The following USP47 variants were observed in gnomAD, a reference collection of about 807,000 sequenced individuals.
USP47 encodes ubiquitin carboxyl-terminal hydrolase 47.
In USP47, 35 loss-of-function variants were observed where a neutral mutation model predicts 165.1. The observed-to-expected ratio is 0.21, with a 90% CI of 0.16 to 0.28. The LOEUF (loss-of-function observed/expected upper bound fraction) is 0.28. Among genes scored for constraint, USP47 ranks in the 10% least tolerant of loss-of-function variants. The pLI, the probability that USP47 is intolerant of heterozygous loss-of-function variation, is 1.00. For synonymous variants in USP47, 531 were observed against 544.5 expected (o/e 0.98, Z 0.35); for missense variants, 1,277 against 1,607.4 (o/e 0.79, Z 3.52).
intron 12 of USP47, among the ~76,000 whole-genome samples, 184 bp downstream of exon 12, chr11:11,929,749 T>C (rs887796029): frequency 6.6e-6 from 1 of 152,200 alleles, no homozygotes; most frequent in Admixed American, 6.5e-5. Context: ...TTCTTTGTTT[T>C]GCTTTGTTTT....
chr11:11,941,328 G>A (rs747517867), intron 19 of USP47, among the ~76,000 whole-genome samples: 15 of 53,720 alleles, frequency 2.8e-4, no homozygotes, highest in Non-Finnish European at 4.8e-4. Context: ...AGGGTAAGAA[G>A]TGCAGTAGGG....
At chr11:11,919,123 C>G (rs908641564) in intron 8 of USP47, among the ~76,000 whole-genome samples, 3 of 151,620 alleles carry the variant, frequency 2.0e-5, no homozygotes, top group Non-Finnish European at 4.4e-5. Flanking sequence ...ATATCTATGT[C>G]TTTTCTTATT....
At position 11,942,803 on chromosome 11, in the gene USP47, G is replaced by C; in HGVS notation, c.2782G>C (p.Val928Leu). 1 of 1,613,700 alleles carries C rather than the reference G, an allele frequency of 6.2e-7. No homozygotes were observed. The highest frequency in any genetic ancestry group is 8.5e-7 in the Non-Finnish European group (1 of 1,179,762). The change falls in exon 20 of 28, where the codon GTG (valine) becomes CTG (leucine). Residue 928 changes from valine to leucine, a missense_variant. Physicochemically the swap from Val to Leu is conservative, Grantham distance 32. This residue lies in a region of USP47 where 909 missense variants were observed against 1,068.1 expected (regional missense o/e 0.85). Coordinates refer to ENST00000527733, the MANE Select transcript of USP47 (RefSeq NM_001282659.2). ...GTCTGAAGAACGATCAGACTCAGAT[G>C]TGAATAATGACAGGAGTACAAGTTC... ...FQSEERSDSD[V>L]NNDRSTSSVD...
In USP47 at chr11:11,903,209, G is replaced by A. The variant is rs934854740; in HGVS notation, c.740-54G>A. 57 of 1,523,792 alleles carry A rather than the reference G, an allele frequency of 3.7e-5. No individual in the cohort carries two copies. The Admixed American group carries it at 1.0e-3, about 28-fold the overall frequency. The allele number at this position is 1,523,792 out of a possible 1,614,324, so 94.4% of individuals were successfully genotyped here. ...TCTATTTGCTTTTAAACAACAGATT[G>A]TTTCATTACATAAAGTTTATAGCTA... is the stretch of plus-strand genomic sequence containing the variant. On this transcript the variant is annotated intron_variant, in intron 6 of 27. Transcript: ENST00000527733.
intron 4 of USP47, among the ~76,000 whole-genome samples, chr11:11,894,898 T>A (rs1490595228): frequency 6.7e-6 from 1 of 149,872 alleles, no homozygotes; most frequent in Non-Finnish European, 1.5e-5. Context: ...TTTGCATATT[T>A]TTATCTTATC....
Position 11,942,981 on chromosome 11 carries a change from A to T in USP47, c.2960A>T (p.Asp987Val), listed in dbSNP as rs1329410617. ...KANEGKKETWDTAEEDSGTDS... is the reference protein window; with the variant it reads ...KANEGKKETWVTAEEDSGTDS... ...AATGAAGGGAAAAAAGAAACATGGG[A>T]TACAGCAGAAGAAGACTCTGGAACT... Residue 987 changes from aspartate to valine, a missense_variant, in exon 20 of 28, where the codon GAT becomes GTT. Around this residue, in one of 4 missense-constraint regions of USP47, gnomAD observed 909 missense variants for 1,068.1 expected, o/e 0.85. Coordinates refer to ENST00000527733, the MANE Select transcript of USP47 (RefSeq NM_001282659.2). 6.2e-7 allele frequency: 1 copy of T among 1,613,630 alleles called. No individual in the cohort carries two copies. The highest frequency in any genetic ancestry group is 8.5e-7 in the Non-Finnish European group (1 of 1,179,704).
rs1486861419 is a variant in USP47 at position 11,960,566 on chromosome 11, C to T, written c.*4391C>T. 2.0e-5 allele frequency among the ~76,000 whole-genome samples: 3 copies of T among 152,172 alleles called. No individual in the cohort carries two copies. Among genetic ancestry groups the T allele is most frequent in the East Asian group, 3.9e-4 (2 of 5,192 alleles). On this transcript the variant is annotated 3_prime_UTR_variant, in exon 28 of 28. Coordinates refer to ENST00000527733, the MANE Select transcript of USP47 (RefSeq NM_001282659.2). ...AAAAAGTTCCCCTCAGAAGTTTCAG[C>T]CAAGGGAATAAAATCTAACCTCTCC... is the stretch of plus-strand genomic sequence containing the variant.
At chr11:11,868,527 T>C (rs1401119871) in intron 1 of USP47, among the ~76,000 whole-genome samples, 1 of 152,224 alleles carries the variant, frequency 6.6e-6, no homozygotes, top group South Asian at 2.1e-4. Flanking sequence ...TATAATTTGT[T>C]TGACCATTTA....
At chr11:11,921,920 A>G (rs951909056) in intron 10 of USP47, among the ~76,000 whole-genome samples, 2 of 151,952 alleles carry the variant, frequency 1.3e-5, no homozygotes, top group African/African-American at 4.8e-5. Flanking sequence ...AAGACTGTAT[A>G]TTAGATGTAG....
intron 18 of USP47, 113 bp from the exon 19 acceptor site, chr11:11,940,315 GT>G: frequency 9.2e-7 from 1 of 1,087,310 alleles, no homozygotes. Context: ...CTAAAATTAT[GT>G]TTCTCTCTGC....
rs777210819 is a variant in USP47 at position 11,936,280 on chromosome 11, T to C, written c.1870-23T>C. 5.7e-6 allele frequency: 8 copies of C among 1,415,916 alleles called. No homozygotes were observed. In the South Asian group the frequency reaches 1.3e-4, roughly 22 times the overall value. 87.7% of individuals were successfully genotyped at this position (1,415,916 alleles called of 1,614,324 possible). ...TATATATGTATATATATTTTTTCTT[T>C]CTGGGGGATTACTTTCTTTTAGATG... On this transcript the variant is annotated intron_variant, in intron 16 of 27. Coordinates refer to ENST00000527733, the MANE Select transcript of USP47 (RefSeq NM_001282659.2).
intron 1 of USP47, among the ~76,000 whole-genome samples, chr11:11,842,766 TG>T (rs1435919852): frequency 6.6e-6 from 1 of 150,902 alleles, no homozygotes; most frequent in Non-Finnish European, 1.5e-5. Context: ...CCGAAGATCG[TG>T]GAAAAGTAGT....
intron 1 of USP47, among the ~76,000 whole-genome samples, chr11:11,864,120 G>A (rs1849535128): frequency 6.6e-6 from 1 of 151,964 alleles, no homozygotes; most frequent in South Asian, 2.1e-4. Flanking sequence ...TCTCTAATAT[G>A]TATGTATATA....
At chr11:11,913,753 CTAGAA>C (rs1016229076) in intron 8 of USP47, among the ~76,000 whole-genome samples, 3 of 151,846 alleles carry the variant, frequency 2.0e-5, no homozygotes. Flanking sequence ...TTCAAAATAG[CTAGAA>C]TAGAAGATTT....
At chr11:11,877,870 G>T in intron 1 of USP47, among the ~76,000 whole-genome samples, 1 of 140,718 alleles carries the variant, frequency 7.1e-6, no homozygotes. Context: ...CGCGCGCGCA[G>T]ATAAGATATT....
intron 17 of USP47, among the ~76,000 whole-genome samples, chr11:11,937,597 A>G (rs1163389698): frequency 6.6e-6 from 1 of 150,880 alleles, no homozygotes; most frequent in Admixed American, 6.6e-5. Flanking sequence ...TTGCTAGACA[A>G]GAAAAAGAAT....
chr11:11,883,363 T>C (rs575189229), intron 2 of USP47, among the ~76,000 whole-genome samples: 1 of 152,316 alleles, frequency 6.6e-6, no homozygotes, highest in Admixed American at 6.5e-5. Flanking sequence ...TTAATCCTTA[T>C]ATTAATAACT....
rs1334397576 is a variant in USP47 at position 11,875,541 on chromosome 11, GT to G, written c.40-4632del. Among the ~76,000 whole-genome samples, 6 of 152,220 alleles carry G rather than the reference GT, an allele frequency of 3.9e-5. No homozygotes were observed. The South Asian group carries it at 8.3e-4, about 21-fold the overall frequency. ...TTAAGTGTATCTTTGGAAGAAAACT[GT>G]TTTCAGTGCTTTTTATCCCAATATG... On this transcript the variant is annotated intron_variant, in intron 1 of 27. Transcript: ENST00000527733.
chr11:11,898,901 C>T lies in USP47; in HGVS notation c.593+1208C>T, dbSNP rs1382495118. Among the ~76,000 whole-genome samples, 8 of 152,268 alleles carry T rather than the reference C, an allele frequency of 5.3e-5. No individual in the cohort carries two copies. The South Asian group carries it at 1.7e-3, about 32-fold the overall frequency. On this transcript the variant is annotated intron_variant, in intron 5 of 27. Transcript: ENST00000527733. Reference sequence around the variant, plus strand: ...GTCATTGTTTGTATCAGATAGTGTTCCGAGCACTTTATATATAGACTCACT... The same window carrying T: ...GTCATTGTTTGTATCAGATAGTGTTTCGAGCACTTTATATATAGACTCACT...
Sources: allele counts gnomAD v4.1 joint callset (sites outside exome capture counted in the v4.1 genomes callset), GRCh38; gene constraint gnomAD v4.1.1; regional missense constraint gnomAD v4.1.1; transcripts MANE v1.5; gene names NCBI Gene and HGNC (gene_info 2026-07-23, HGNC 2026-07-21).